SULF2: variants seen among roughly 807,000 people sequenced by gnomAD.
SULF2 encodes extracellular sulfatase Sulf-2.
In SULF2, 52 loss-of-function variants were observed where a neutral mutation model predicts 107.7. That is an observed-to-expected ratio of 0.48 (90% CI 0.39 to 0.61). The LOEUF is 0.61. Ranked by LOEUF, SULF2 falls within the 20% of genes least tolerant of loss-of-function variation. SULF2 has a pLI of 0.00. For synonymous variants in SULF2, 460 were observed against 464.3 expected, an observed-to-expected ratio of 0.99 and a Z score of 0.12; for missense variants, 993 against 1,177.3, an observed-to-expected ratio of 0.84 and a Z score of 2.29.
intron 4 of SULF2, among the ~76,000 whole-genome samples, chr20:47,701,052 A>C (rs1428677812): frequency 2.0e-5 from 3 of 152,234 alleles, no homozygotes; most frequent in African/African-American, 7.2e-5. Context: ...AAAGATGTTC[A>C]CGGCAGCTTA....
intron 3 of SULF2, among the ~76,000 whole-genome samples, chr20:47,728,841 T>TCA (rs2089519047): frequency 6.6e-6 from 1 of 152,226 alleles, no homozygotes; most frequent in South Asian, 2.1e-4. Context: ...AGATGGGGTT[T>TCA]CACCATGTTG....
At chr20:47,744,578 C>T (rs2089963248) in intron 2 of SULF2, among the ~76,000 whole-genome samples, 1 of 152,134 alleles carries the variant, frequency 6.6e-6, no homozygotes, top group African/African-American at 2.4e-5. Flanking sequence ...GAAGAGGGCA[C>T]ACAGTGGGCT....
intron 3 of SULF2, among the ~76,000 whole-genome samples, chr20:47,715,745 C>T (rs2089097674): frequency 6.6e-6 from 1 of 152,134 alleles, no homozygotes; most frequent in Non-Finnish European, 1.5e-5. Context: ...CCATGCCTGG[C>T]TAATTTTTGT....
intron 3 of SULF2, 32 bp from the exon 4 acceptor site, chr20:47,702,702 G>A (rs942211033): frequency 7.5e-6 from 12 of 1,609,622 alleles, no homozygotes; most frequent in African/African-American, 1.3e-5. Context: ...GAGGCCACGT[G>A]AGAAAGTGCC....
intron 10 of SULF2, among the ~76,000 whole-genome samples, chr20:47,674,106 A>G (rs1440267539): frequency 6.6e-6 from 1 of 152,234 alleles, no homozygotes; most frequent in African/African-American, 2.4e-5. Context: ...GTACGTTTTC[A>G]GAGTTGTAAA....
At chr20:47,767,750 G>T (rs2090553759) in intron 1 of SULF2, among the ~76,000 whole-genome samples, 2 of 152,012 alleles carry the variant, frequency 1.3e-5, no homozygotes, top group Admixed American at 1.3e-4. Flanking sequence ...ACTCCAGCCT[G>T]GGTGACAGAG....
chr20:47,771,965 C>T (rs976196794), intron 1 of SULF2, among the ~76,000 whole-genome samples: 1 of 152,194 alleles, frequency 6.6e-6, no homozygotes, highest in East Asian at 1.9e-4. Context: ...AGGGCAGGGG[C>T]TCCTGATTTG....
rs397837137 is a variant in SULF2 at position 47,742,927 on chromosome 20, ATTTTTTTTTT to A, written c.176-5995_176-5986del. Among the ~76,000 whole-genome samples the A allele has an allele frequency of 1.8e-3, 178 of 99,454 alleles. 1 individual carries two copies. The highest frequency in any genetic ancestry group is 4.9e-3 in the African/African-American group (129 of 26,194). 65.2% of individuals were successfully genotyped at this position (99,454 alleles called of 152,430 possible). A position where few individuals can be genotyped will look rare whatever the true frequency, so the allele number is the denominator to read the frequency against. ...AGGGAGTTTCAGGATTCAAAACATG[ATTTTTTTTTT>A]TTTTTTTTTTTTTTTTTTTTGCCAT... On this transcript the variant is annotated intron_variant, in intron 2 of 20. Coordinates refer to ENST00000688720, the MANE Select transcript of SULF2 (RefSeq NM_001387048.1).
At chr20:47,696,749 T>G (rs1257207571) in intron 4 of SULF2, among the ~76,000 whole-genome samples, 1 of 152,132 alleles carries the variant, frequency 6.6e-6, no homozygotes, top group Non-Finnish European at 1.5e-5. Context: ...GAGGTGACAT[T>G]TGAATAAGGA....
At chr20:47,750,920 C>T (rs573543972) in intron 2 of SULF2, among the ~76,000 whole-genome samples, 9 of 152,302 alleles carry the variant, frequency 5.9e-5, no homozygotes, top group Admixed American at 2.6e-4. Context: ...GCTCAGATTT[C>T]CCCTTCCCAA....
chr20:47,729,576 T>C (rs1455546743), intron 3 of SULF2, among the ~76,000 whole-genome samples: 2 of 148,168 alleles, frequency 1.3e-5, no homozygotes, highest in African/African-American at 2.5e-5. Context: ...GAATGTGGAG[T>C]GTGAAAGGAA....
chr20:47,715,133 T>C (rs1436640733), intron 3 of SULF2, among the ~76,000 whole-genome samples: 1 of 149,988 alleles, frequency 6.7e-6, no homozygotes, highest in East Asian at 2.0e-4. Flanking sequence ...GGTTTCATTA[T>C]GTTGCCCAGG....
intron 3 of SULF2, among the ~76,000 whole-genome samples, chr20:47,723,151 G>C (rs1421932534): frequency 2.6e-5 from 4 of 152,210 alleles, no homozygotes; most frequent in Admixed American, 2.6e-4. Flanking sequence ...AGCAGAGGCA[G>C]GGGAATTGCT....
At chr20:47,723,412 C>A (rs376786551) in intron 3 of SULF2, among the ~76,000 whole-genome samples, 121 of 152,234 alleles carry the variant, frequency 7.9e-4, no homozygotes, top group Middle Eastern at 3.4e-3. Flanking sequence ...GGAGGAAGTT[C>A]TCCGCAGTGT....
chr20:47,711,789 C>T (rs1031698013), intron 3 of SULF2, among the ~76,000 whole-genome samples: 2 of 152,236 alleles, frequency 1.3e-5, no homozygotes, highest in African/African-American at 4.8e-5. Context: ...ACAACACATA[C>T]ATATACACAC....
intron 2 of SULF2, among the ~76,000 whole-genome samples, chr20:47,747,018 T>TACAC (rs58378160): frequency 5.2e-4 from 39 of 75,106 alleles, no homozygotes; most frequent in African/African-American, 1.5e-3. Flanking sequence ...TATATATATA[T>TACAC]ACACACACAC....
chr20:47,660,029 T>C (rs1376836084), intron 18 of SULF2, among the ~76,000 whole-genome samples: 3 of 152,184 alleles, frequency 2.0e-5, no homozygotes, highest in African/African-American at 4.8e-5. Flanking sequence ...GATGCAGGCA[T>C]GAACATCTGT....
At position 47,666,491 on chromosome 20, in the gene SULF2, G is replaced by A; in HGVS notation, c.1577-3C>T. 1 of 1,610,966 alleles carries A rather than the reference G, an allele frequency of 6.2e-7. No individual in the cohort carries two copies. The highest frequency in any genetic ancestry group is 8.5e-7 in the Non-Finnish European group (1 of 1,178,950). ...GCGGACATAGCTGGCCTTGTACTCT[G>A]TGGGCATTAGAGGAGTGGCAGAGTT... is the stretch of plus-strand genomic sequence containing the variant. On this transcript the variant is annotated splice_polypyrimidine_tract_variant and splice_region_variant and intron_variant, in intron 11 of 20. Transcript: ENST00000688720. This position sits in a 1 kb window ranked among gnomAD's most constrained non-coding sequence, Gnocchi z 5.4.
At chr20:47,671,228 G>A (rs142419713) in intron 11 of SULF2, among the ~76,000 whole-genome samples, 58 of 152,364 alleles carry the variant, frequency 3.8e-4, no homozygotes, top group Middle Eastern at 6.8e-3. Flanking sequence ...AGAATGAGGT[G>A]TGAAGGTGTA....
Sources: allele counts gnomAD v4.1 joint callset (sites outside exome capture counted in the v4.1 genomes callset), GRCh38; gene constraint gnomAD v4.1.1; non-coding constraint Gnocchi (gnomAD v3.1); transcripts MANE v1.5; gene names NCBI Gene and HGNC (gene_info 2026-07-23, HGNC 2026-07-21).